The following INTS3 variants were observed in gnomAD, a reference collection of about 807,000 sequenced individuals.
INTS3 encodes the protein SOSS complex subunit A.
INTS3 carries 34 observed loss-of-function variants against 146.3 expected under a neutral mutation model. The observed-to-expected ratio is 0.23, with a 90% confidence interval of 0.18 to 0.31. The LOEUF (loss-of-function observed/expected upper bound fraction) is 0.31. Ranked by LOEUF, INTS3 falls within the 10% of genes least tolerant of loss-of-function variation. The pLI is 1.00. For synonymous variants in INTS3, 475 were observed against 494.9 expected (o/e 0.96, Z 0.53); for missense variants, 757 against 1,304.2 (o/e 0.58, Z 6.46).
chr1:153,737,857 G>A (rs2101782868), intron 1 of INTS3, among the ~76,000 whole-genome samples: 1 of 152,054 alleles, frequency 6.6e-6, no homozygotes, highest in Non-Finnish European at 1.5e-5. Context: ...CACTCTCATT[G>A]TTTTTAAAGT....
At chr1:153,737,421 A>G (rs1219155790) in intron 1 of INTS3, among the ~76,000 whole-genome samples, 2 of 152,236 alleles carry the variant, frequency 1.3e-5, no homozygotes, top group Non-Finnish European at 2.9e-5. Context: ...TGTTGAACAC[A>G]TGACATGGTG....
intron 1 of INTS3, among the ~76,000 whole-genome samples, chr1:153,738,916 AGT>A (rs1671409802): frequency 6.8e-6 from 1 of 147,444 alleles, no homozygotes; most frequent in Non-Finnish European, 1.5e-5. Context: ...TTTTTGAGAC[AGT>A]GTCTCGCTCT....
chr1:153,752,622 T>G (rs1672000517), intron 8 of INTS3, among the ~76,000 whole-genome samples: 1 of 152,166 alleles, frequency 6.6e-6, no homozygotes, highest in Admixed American at 6.5e-5. Context: ...CTTGGCAGAC[T>G]CCAGCTGCCA....
intron 2 of INTS3, 107 bp downstream of exon 2, chr1:153,740,841 A>T: frequency 1.1e-6 from 1 of 886,750 alleles, no homozygotes; most frequent in South Asian, 1.3e-5. Flanking sequence ...ACTGAAATTC[A>T]TCAAGTCTTG....
chr1:153,728,866 G>C, intron 1 of INTS3, 82 bp downstream of exon 1: 2 of 465,688 alleles, frequency 4.3e-6, no homozygotes, highest in Non-Finnish European at 7.4e-6. Flanking sequence ...GAGGACGGGG[G>C]GTGGGGGCGG....
At chr1:153,759,040 C>A (rs1448275966) in intron 10 of INTS3, among the ~76,000 whole-genome samples, 1 of 151,996 alleles carries the variant, frequency 6.6e-6, no homozygotes, top group East Asian at 1.9e-4. Context: ...TCACCCGAGC[C>A]TAAGAGGTCA....
chr1:153,744,959 C>T (rs990501024), intron 3 of INTS3, among the ~76,000 whole-genome samples: 5 of 152,112 alleles, frequency 3.3e-5, no homozygotes, highest in Admixed American at 6.6e-5. Flanking sequence ...CCTCTAATCT[C>T]TTATGTCATC....
At chr1:153,737,219 CATT>C (rs1413987459) in intron 1 of INTS3, among the ~76,000 whole-genome samples, 1 of 152,208 alleles carries the variant, frequency 6.6e-6, no homozygotes, top group Non-Finnish European at 1.5e-5. Flanking sequence ...TTGCCAGAAT[CATT>C]ATCACTGGAA....
intron 3 of INTS3, among the ~76,000 whole-genome samples, chr1:153,745,122 T>A (rs1671678005): frequency 6.6e-6 from 1 of 151,244 alleles, no homozygotes. Context: ...ATCCTTGCTG[T>A]ATTATTGCTT....
At chr1:153,744,060 T>C (rs932684173) in intron 3 of INTS3, among the ~76,000 whole-genome samples, 1 of 151,704 alleles carries the variant, frequency 6.6e-6, no homozygotes, top group African/African-American at 2.4e-5. Context: ...TGTGTGTGTG[T>C]GTGTGTGTGT....
intron 1 of INTS3, among the ~76,000 whole-genome samples, chr1:153,737,996 C>T (rs1671367548): frequency 6.6e-6 from 1 of 152,130 alleles, no homozygotes; most frequent in African/African-American, 2.4e-5. Flanking sequence ...TTTCAGCTAC[C>T]TCTGTATTAC....
chr1:153,728,284 G>T lies in INTS3; in HGVS notation c.-351G>T. Reference sequence around the variant, plus strand: ...GGGGAAAAGAGGCAGAAACTTAGGGGTTTCCCTCCTTTCTTAGGGTCAGAC... The same window carrying T: ...GGGGAAAAGAGGCAGAAACTTAGGGTTTTCCCTCCTTTCTTAGGGTCAGAC... On this transcript the variant is annotated 5_prime_UTR_variant, in exon 1 of 30. Transcript: ENST00000318967. The T allele has an allele frequency of 5.1e-6, 2 of 389,438 alleles. No homozygotes were observed. The highest frequency in any genetic ancestry group is 9.1e-6 in the Non-Finnish European group (2 of 220,676). 24.1% of individuals were successfully genotyped at this position (389,438 alleles called of 1,614,324 possible).
intron 3 of INTS3, among the ~76,000 whole-genome samples, chr1:153,745,418 A>C (rs1278364392): frequency 6.6e-6 from 1 of 151,586 alleles, no homozygotes; most frequent in Non-Finnish European, 1.5e-5. Context: ...CGGCCTCCCA[A>C]ATAGTGCTGG....
chr1:153,757,798 C>T lies in INTS3; in HGVS notation c.1149+35C>T. 1.9e-6 allele frequency: 3 copies of T among 1,575,266 alleles called. No individual in the cohort carries two copies. The highest frequency in any genetic ancestry group is 2.6e-6 in the Non-Finnish European group (3 of 1,146,974). ...AAAGATACTGGGTGGTGAAGGGTGC[C>T]TCTTCCATGGTGTTCCCATGTTTCC... On this transcript the variant is annotated intron_variant, in intron 10 of 29. Transcript: ENST00000318967. The surrounding 1 kb of genome is among the most constrained non-coding windows in gnomAD (Gnocchi z 4.0).
intron 13 of INTS3, 32 bp from the exon 14 acceptor site, chr1:153,761,537 CT>C (rs751778741): frequency 7.0e-7 from 1 of 1,434,258 alleles, no homozygotes; most frequent in East Asian, 2.3e-5. Flanking sequence ...AAGAGAAGCT[CT>C]GATATTGACC....
chr1:153,767,722 T>C lies in INTS3; in HGVS notation c.2139T>C (p.Ala713=), dbSNP rs756457001. Residue 713 remains alanine, a synonymous_variant, in exon 21 of 30, where the codon GCT becomes GCC. Transcript: ENST00000318967. ...ACCTGTACGAGTCATTTGCCCAGGC[T>C]ACCCAGCTGGGCGATCTGCACACCT... ...KMNLYESFAQ[A]TQLGDLHTCL... is the part of the protein sequence containing the mutation. 1.2e-6 allele frequency: 2 copies of C among 1,612,006 alleles called. No individual in the cohort carries two copies. Among genetic ancestry groups the C allele is most frequent in the African/African-American group, 2.7e-5 (2 of 74,814 alleles).
At chr1:153,759,412 A>G in intron 10 of INTS3, 114 bp from the exon 11 acceptor site, 1 of 752,256 alleles carries the variant, frequency 1.3e-6, no homozygotes, top group Non-Finnish European at 2.4e-6. Context: ...TTCACTAGGA[A>G]CTGAATTTCA....
At chr1:153,753,520 G>A (rs1347348775) in intron 8 of INTS3, among the ~76,000 whole-genome samples, 1 of 151,362 alleles carries the variant, frequency 6.6e-6, no homozygotes, top group Non-Finnish European at 1.5e-5. Flanking sequence ...TCGCGCCACT[G>A]CACTCCAGCC....
intron 1 of INTS3, among the ~76,000 whole-genome samples, chr1:153,735,216 C>T (rs1671242898): frequency 6.6e-6 from 1 of 152,168 alleles, no homozygotes; most frequent in Non-Finnish European, 1.5e-5. Context: ...GTGATTCCTC[C>T]CCACCTTGGC....
Sources: allele counts gnomAD v4.1 joint callset (sites outside exome capture counted in the v4.1 genomes callset), GRCh38; gene constraint gnomAD v4.1.1; non-coding constraint Gnocchi (gnomAD v3.1); transcripts MANE v1.5; gene names NCBI Gene and HGNC (gene_info 2026-07-23, HGNC 2026-07-21).